Variants in ATP11A observed in about 807,000 individuals in gnomAD.
ATP11A encodes ATPase phospholipid transporting 11A, also known as phospholipid-transporting ATPase IH.
ATP11A carries 81 observed loss-of-function variants against 154.4 expected under a neutral mutation model. That is an observed-to-expected ratio of 0.52 (90% CI 0.44 to 0.63). ATP11A has a LOEUF of 0.63. ATP11A is among the 30% of genes least tolerant of loss of function. The pLI is 0.00. For missense variants in ATP11A, 1,316 were observed against 1,474.3 expected, an observed-to-expected ratio of 0.89 and a Z score of 1.76; for synonymous variants, 623 against 585.9, an observed-to-expected ratio of 1.06 and a Z score of -0.91.
intron 2 of ATP11A, among the ~76,000 whole-genome samples, chr13:112,799,436 A>G (rs1402169582): frequency 6.6e-6 from 1 of 151,926 alleles, no homozygotes; most frequent in East Asian, 1.9e-4. Flanking sequence ...GGGCAGTTCT[A>G]TAGGATTTGG....
intron 25 of ATP11A, among the ~76,000 whole-genome samples, chr13:112,870,554 T>G (rs2080483430): frequency 6.6e-6 from 1 of 152,202 alleles, no homozygotes; most frequent in Non-Finnish European, 1.5e-5. Context: ...AATGTTTGTA[T>G]TCTTAGTAGA....
rs1050338229 is a variant in ATP11A at position 112,883,503 on chromosome 13, G to A, written c.*1637G>A. The A allele has an allele frequency of 6.7e-5, 20 of 298,700 alleles. No individual in the cohort carries two copies. Among genetic ancestry groups the A allele is most frequent in the Admixed American group, 2.6e-4 (5 of 19,540 alleles). 18.5% of individuals were successfully genotyped at this position (298,700 alleles called of 1,614,324 possible). A position where few individuals can be genotyped will look rare whatever the true frequency, so the allele number is the denominator to read the frequency against. ...CCCAGAGGGTGTTTCCGAGGTGCTC[G>A]ACAGTAGGTATTTTTGGAAGCTCAG... On this transcript the variant is annotated 3_prime_UTR_variant, in exon 30 of 30. Transcript: ENST00000375645.
At chr13:112,823,245 T>G in intron 8 of ATP11A, 100 bp from the exon 9 acceptor site, 1 of 845,578 alleles carries the variant, frequency 1.2e-6, no homozygotes, top group South Asian at 1.5e-5. Flanking sequence ...GAAAATGAGA[T>G]CTGCTGAGCA....
Position 112,855,781 on chromosome 13 carries a change from T to C in ATP11A, c.2244-130T>C, listed in dbSNP as rs540391969. ...TTCAATACTATAAAAATTGTATTGG[T>C]AAAACAAGAAACACTAGTTTCTTAA... On this transcript the variant is annotated intron_variant, in intron 19 of 29. Transcript: ENST00000375645. 47 of 812,692 alleles carry C rather than the reference T, an allele frequency of 5.8e-5. No homozygotes were observed. The East Asian group carries it at 1.2e-3, about 21-fold the overall frequency. 50.3% of individuals were successfully genotyped at this position (812,692 alleles called of 1,614,324 possible). A position where few individuals can be genotyped will look rare whatever the true frequency, so the allele number is the denominator to read the frequency against.
chr13:112,814,148 C>G (rs2078578917), intron 5 of ATP11A, among the ~76,000 whole-genome samples: 1 of 152,040 alleles, frequency 6.6e-6, no homozygotes, highest in Admixed American at 6.5e-5. Context: ...ACTGCCACCT[C>G]CACCTCCCAG....
chr13:112,788,357 TTAATTCACACCGGTGTCC>T (rs1168523926), intron 2 of ATP11A, among the ~76,000 whole-genome samples: 5 of 149,712 alleles, frequency 3.3e-5, no homozygotes, highest in Non-Finnish European at 5.9e-5. Flanking sequence ...GGAGACCTAC[TTAATTCACACCGGTGTCC>T]TAATTCACAC....
At chr13:112,832,150 G>T (rs1270471695) in intron 13 of ATP11A, among the ~76,000 whole-genome samples, 2 of 152,124 alleles carry the variant, frequency 1.3e-5, no homozygotes, top group Admixed American at 6.5e-5. Context: ...ACACACACAT[G>T]CACTCTCACA....
rs1221933308 is a variant in ATP11A at position 112,883,917 on chromosome 13, G to A, written c.*2051G>A. 2 of 152,610 alleles carry A rather than the reference G, an allele frequency of 1.3e-5. No individual in the cohort carries two copies. The highest frequency in any genetic ancestry group is 2.9e-5 in the Non-Finnish European group (2 of 68,030). The allele number at this position is 152,610 out of a possible 1,614,324, so 9.5% of individuals were successfully genotyped here. Reference sequence around the variant, plus strand: ...TGTATGTTCAGTTAACAAATTATTTGTAATGTATTTTTTTAGAAATCTTAA... The same window carrying A: ...TGTATGTTCAGTTAACAAATTATTTATAATGTATTTTTTTAGAAATCTTAA... On this transcript the variant is annotated 3_prime_UTR_variant, in exon 30 of 30. Transcript: ENST00000375645.
chr13:112,872,413 C>G (rs1400841615), intron 26 of ATP11A, among the ~76,000 whole-genome samples: 1 of 152,222 alleles, frequency 6.6e-6, no homozygotes, highest in African/African-American at 2.4e-5. Context: ...CAGTTCGAGA[C>G]CAGCCTGGCC....
At chr13:112,722,448 TC>T (rs1324704784) in intron 1 of ATP11A, among the ~76,000 whole-genome samples, 1 of 152,116 alleles carries the variant, frequency 6.6e-6, no homozygotes, top group Non-Finnish European at 1.5e-5. Context: ...CAGGGCTTTA[TC>T]AGGGTAGCGA....
intron 28 of ATP11A, 71 bp downstream of exon 28, chr13:112,876,012 T>TGGGGTCCTGG: frequency 6.6e-7 from 1 of 1,514,888 alleles, no homozygotes. Context: ...ATGACCGTTT[T>TGGGGTCCTGG]GAAAGACAGT....
chr13:112,779,399 T>TGAGTAGCCGCTGGAGG, intron 1 of ATP11A, among the ~76,000 whole-genome samples: 1 of 142,288 alleles, frequency 7.0e-6, no homozygotes, highest in Non-Finnish European at 1.5e-5. Flanking sequence ...GCCGCTGGAG[T>TGAGTAGCCGCTGGAGG]GAGGAGTAGC....
intron 23 of ATP11A, 131 bp from the exon 24 acceptor site, chr13:112,860,156 T>C: frequency 9.6e-7 from 1 of 1,039,916 alleles, no homozygotes; most frequent in Non-Finnish European, 1.4e-6. Flanking sequence ...GACCCTAGTT[T>C]ATATTGTTAA....
Position 112,836,267 on chromosome 13 carries a change from CT to C in ATP11A, c.1705+20del. ...TCTGCTACAGGTAAAATTTCTTTTT[CT>C]TTTGATTTATTAAGTTATACGTGGT... is the stretch of plus-strand genomic sequence containing the variant. On this transcript the variant is annotated intron_variant, in intron 16 of 29. Transcript: ENST00000375645. The C allele has an allele frequency of 6.4e-7, 1 of 1,554,244 alleles. No individual in the cohort carries two copies.
At chr13:112,703,677 G>A (rs1886839073) in intron 1 of ATP11A, among the ~76,000 whole-genome samples, 1 of 152,120 alleles carries the variant, frequency 6.6e-6, no homozygotes, top group Admixed American at 6.5e-5. Context: ...GTAACAGACC[G>A]CAGTTCCCGT....
intron 16 of ATP11A, among the ~76,000 whole-genome samples, chr13:112,841,918 C>T (rs531196671): frequency 1.6e-4 from 24 of 152,364 alleles, no homozygotes; most frequent in African/African-American, 4.3e-4. Flanking sequence ...TTGTGTTCAC[C>T]TTCCAGCATT....
At chr13:112,730,338 G>C (rs912132316) in intron 1 of ATP11A, among the ~76,000 whole-genome samples, 2 of 152,196 alleles carry the variant, frequency 1.3e-5, no homozygotes, top group African/African-American at 4.8e-5. Context: ...GAGGCCGGAG[G>C]ACGGGCATTG....
chr13:112,850,213 G>A (rs1187609270), intron 17 of ATP11A, among the ~76,000 whole-genome samples: 1 of 152,198 alleles, frequency 6.6e-6, no homozygotes, highest in African/African-American at 2.4e-5. Flanking sequence ...CATTCTGCCG[G>A]ATTTTAAAAT....
In ATP11A at chr13:112,881,509, T is replaced by C. The variant is rs140338287; in HGVS notation, c.*10-367T>C. The C allele has an allele frequency of 1.0e-3, 1,159 of 1,121,698 alleles. 10 individuals are homozygous for C. The African/African-American group carries it at 0.017, about 16-fold the overall frequency. 69.5% of individuals were successfully genotyped at this position (1,121,698 alleles called of 1,614,324 possible). A position where few individuals can be genotyped will look rare whatever the true frequency, so the allele number is the denominator to read the frequency against. On this transcript the variant is annotated intron_variant, in intron 29 of 29. Transcript: ENST00000375645. ...AGGGAGGAAGCTCGTAGGTTTCCCG[T>C]CCATGGCCTGTATCCCTGGGGCCCC...
Sources: gnomAD v4.1 joint callset for allele counts (sites outside exome capture counted in the v4.1 genomes callset) on GRCh38, gnomAD v4.1.1 for gene constraint, MANE v1.5 for transcripts, NCBI Gene and HGNC (gene_info 2026-07-23, HGNC 2026-07-21) for gene names.